Variants in INSL6 observed in about 807,000 individuals in gnomAD.
The protein encoded by INSL6 is insulin-like peptide INSL6.
A neutral mutation model predicts 9.4 loss-of-function variants in INSL6; 16 were observed. The observed-to-expected ratio is 1.70, with a 90% confidence interval of 1.15 to 2.59. The LOEUF is 2.59. Ranked by LOEUF, INSL6 falls within the 30% of genes most tolerant of loss-of-function variation. The pLI is 0.00. For missense variants in INSL6, 391 were observed against 257.3 expected (o/e 1.52, Z -3.56); for synonymous variants, 154 against 96.9 (o/e 1.59, Z -3.46).
the INSL6 span, among the ~76,000 whole-genome samples, chr9:5,081,475 A>C: frequency 6.6e-6 from 1 of 152,144 alleles, no homozygotes; most frequent in Non-Finnish European, 1.5e-5. Context: ...ATATTACCTT[A>C]CTTTATGAAT....
downstream of INSL6, among the ~76,000 whole-genome samples, chr9:5,159,383 C>T (rs1304324296): frequency 6.6e-6 from 1 of 150,770 alleles, no homozygotes; most frequent in Non-Finnish European, 1.5e-5. Context: ...AAAAAAGGAT[C>T]GAACAACCTC....
the INSL6 span, chr9:5,114,267 C>A: frequency 1.8e-6 from 1 of 544,902 alleles, no homozygotes; most frequent in Non-Finnish European, 3.6e-6. Context: ...GGTGGTGGAC[C>A]TGGCACCCAG....
chr9:5,028,037 C>A, the INSL6 span, among the ~76,000 whole-genome samples: 4 of 152,268 alleles, frequency 2.6e-5, no homozygotes, highest in Admixed American at 6.5e-5. Flanking sequence ...TTTTTCATGA[C>A]GTCTAGAATG....
At chr9:5,040,986 G>A in the INSL6 span, 2 of 621,350 alleles carry the variant, frequency 3.2e-6, no homozygotes. Flanking sequence ...CTATCAAATT[G>A]GAGCTGATCA....
the INSL6 span, among the ~76,000 whole-genome samples, chr9:5,012,699 T>C: frequency 6.6e-6 from 1 of 152,220 alleles, no homozygotes; most frequent in Non-Finnish European, 1.5e-5. Flanking sequence ...TAAGAATAGA[T>C]CGTTTGACAA....
chr9:5,165,847 CT>C (rs1825039581), intron 1 of INSL6, among the ~76,000 whole-genome samples: 1 of 152,088 alleles, frequency 6.6e-6, no homozygotes, highest in Non-Finnish European at 1.5e-5. Flanking sequence ...TCTACAGTAC[CT>C]TCTAGGAGGA....
the INSL6 span, among the ~76,000 whole-genome samples, chr9:5,036,565 A>G: frequency 1.3e-5 from 2 of 152,222 alleles, no homozygotes; most frequent in Non-Finnish European, 2.9e-5. Flanking sequence ...CTACCTATCT[A>G]CAACCATCTG....
chr9:5,018,378 C>T, the INSL6 span, among the ~76,000 whole-genome samples: 1 of 152,140 alleles, frequency 6.6e-6, no homozygotes, highest in Non-Finnish European at 1.5e-5. Flanking sequence ...TTCTGTCCTC[C>T]AGGCTGGAGT....
chr9:5,080,629 T>A, the INSL6 span: 2 of 1,607,434 alleles, frequency 1.2e-6, no homozygotes, highest in Non-Finnish European at 1.7e-6. Flanking sequence ...TGAACCAGAT[T>A]TCAGGCCTTC....
intron 3 of INSL6, chr9:5,125,818 T>G (rs1481283786): frequency 6.7e-6 from 1 of 148,490 alleles, no homozygotes; most frequent in Non-Finnish European, 1.5e-5. Context: ...TGCCTATCTT[T>G]ATATTTGTAA....
the INSL6 span, among the ~76,000 whole-genome samples, chr9:5,004,954 T>C: frequency 3.3e-5 from 5 of 151,050 alleles, no homozygotes; most frequent in East Asian, 9.7e-4. Flanking sequence ...TCTTGCTCTG[T>C]TGCCTAGGCT....
intron 2 of INSL6, among the ~76,000 whole-genome samples, chr9:5,135,580 C>A (rs985261133): frequency 2.0e-5 from 3 of 152,030 alleles, no homozygotes; most frequent in African/African-American, 7.2e-5. Flanking sequence ...CCAATAAGAA[C>A]AAAGAAACAA....
At chr9:5,074,006 T>C in the INSL6 span, among the ~76,000 whole-genome samples, 61 of 152,238 alleles carry the variant, frequency 4.0e-4, 1 homozygote, top group Middle Eastern at 3.4e-3. Flanking sequence ...GCCCAAACAA[T>C]AGAGTATTAT....
chr9:5,031,203 T>C, the INSL6 span, among the ~76,000 whole-genome samples: 3 of 152,218 alleles, frequency 2.0e-5, no homozygotes, highest in Non-Finnish European at 4.4e-5. Flanking sequence ...TTACGGAATT[T>C]GACACATTAC....
the INSL6 span, chr9:5,111,649 G>C: frequency 2.6e-6 from 1 of 388,944 alleles, no homozygotes; most frequent in African/African-American, 2.1e-5. Flanking sequence ...CATGCCCCTC[G>C]TCCCTCCCGC....
At chr9:5,020,510 C>G in the INSL6 span, among the ~76,000 whole-genome samples, 1 of 152,056 alleles carries the variant, frequency 6.6e-6, no homozygotes. Context: ...GTGCTGTGCC[C>G]TGATGCTGGG....
At chr9:5,069,263 C>A in the INSL6 span, 1 of 1,178,006 alleles carries the variant, frequency 8.5e-7, no homozygotes, top group Non-Finnish European at 1.2e-6. Context: ...GTTTATGTGG[C>A]GTGAAGTATC....
At chr9:5,122,391 G>C (rs1480603577), downstream of INSL6, among the ~76,000 whole-genome samples, 3 of 151,946 alleles carry the variant, frequency 2.0e-5, no homozygotes, top group Non-Finnish European at 4.4e-5. Flanking sequence ...TTCTTTTATA[G>C]CTTTAAGTCT....
At chr9:5,102,545 C>T in the INSL6 span, among the ~76,000 whole-genome samples, 1 of 152,100 alleles carries the variant, frequency 6.6e-6, no homozygotes, top group African/African-American at 2.4e-5. Flanking sequence ...CAGAGAACTC[C>T]ACAAAGATAC....
Sources: gnomAD v4.1 joint callset for allele counts (sites outside exome capture counted in the v4.1 genomes callset) on GRCh38, gnomAD v4.1.1 for gene constraint, MANE v1.5 for transcripts, NCBI Gene and HGNC (gene_info 2026-07-23, HGNC 2026-07-21) for gene names.